GPATCH2: variants seen among roughly 807,000 people sequenced by gnomAD.
GPATCH2 encodes the protein G patch domain-containing protein 2.
A neutral mutation model predicts 58.0 loss-of-function variants in GPATCH2; 51 were observed. The ratio of observed to expected loss-of-function variants is 0.88; its 90% confidence interval spans 0.70 to 1.11. GPATCH2 has a LOEUF of 1.11. Among genes scored for constraint, GPATCH2 ranks in the 50% most tolerant of loss-of-function variants. The probability of loss-of-function intolerance (pLI) is 0.00; values close to 1 mark genes in which losing one functional copy is unlikely to be tolerated. For synonymous variants in GPATCH2, 222 were observed against 218.5 expected (o/e 1.02, Z -0.14); for missense variants, 625 against 652.2 (o/e 0.96, Z 0.45).
chr1:217,444,840 A>C (rs1177232452), intron 9 of GPATCH2, among the ~76,000 whole-genome samples: 1 of 152,224 alleles, frequency 6.6e-6, no homozygotes, highest in Non-Finnish European at 1.5e-5. Context: ...TTGATAAGAT[A>C]AATTTGGACA....
intron 5 of GPATCH2, among the ~76,000 whole-genome samples, chr1:217,578,539 T>A (rs760866413): frequency 6.6e-6 from 1 of 152,224 alleles, no homozygotes; most frequent in Non-Finnish European, 1.5e-5. Flanking sequence ...GGCGTCAGCC[T>A]CTGTGCTTGG....
intron 8 of GPATCH2, among the ~76,000 whole-genome samples, chr1:217,482,000 C>A (rs946308289): frequency 2.0e-5 from 3 of 152,068 alleles, no homozygotes; most frequent in Admixed American, 6.6e-5. Flanking sequence ...TTCCTTACAA[C>A]AATGCTATGA....
chr1:217,460,088 G>T (rs191854586), intron 8 of GPATCH2, among the ~76,000 whole-genome samples: 107 of 152,130 alleles, frequency 7.0e-4, no homozygotes, highest in Non-Finnish European at 1.3e-3. Flanking sequence ...CAAACATCCA[G>T]GCTCACTGAG....
At chr1:217,476,561 T>C (rs1660978768) in intron 8 of GPATCH2, among the ~76,000 whole-genome samples, 1 of 152,132 alleles carries the variant, frequency 6.6e-6, no homozygotes, top group African/African-American at 2.4e-5. Flanking sequence ...AGCACGTCTA[T>C]GCTCTAGGGT....
In GPATCH2 at chr1:217,579,951, T is replaced by C. The variant is rs149220254; in HGVS notation, c.1098+30370A>G. On this transcript the variant is annotated intron_variant, in intron 5 of 9. Transcript: ENST00000366935. ...CAATATGGTAGCCACTAGTTATATG[T>C]GGCTATTAAGATACGTTCAAAGTAT... 9.2e-4 allele frequency among the ~76,000 whole-genome samples: 140 copies of C among 152,318 alleles called. 1 individual carries two copies. The highest frequency in any genetic ancestry group is 3.2e-3 in the African/African-American group (132 of 41,586).
At chr1:217,617,217 A>G (rs1409111342) in intron 2 of GPATCH2, among the ~76,000 whole-genome samples, 1 of 152,206 alleles carries the variant, frequency 6.6e-6, no homozygotes, top group Non-Finnish European at 1.5e-5. Context: ...ATTGCCGGTA[A>G]AAACAAAGTA....
intron 8 of GPATCH2, among the ~76,000 whole-genome samples, chr1:217,471,707 G>A (rs1660728933): frequency 6.6e-6 from 1 of 151,332 alleles, no homozygotes; most frequent in African/African-American, 2.5e-5. Flanking sequence ...TAAATCTATT[G>A]TCACTTTTTT....
At chr1:217,606,907 A>G (rs1433005181) in intron 5 of GPATCH2, among the ~76,000 whole-genome samples, 1 of 152,090 alleles carries the variant, frequency 6.6e-6, no homozygotes, top group Non-Finnish European at 1.5e-5. Flanking sequence ...CCCATTATGC[A>G]TACACAATCT....
intron 5 of GPATCH2, among the ~76,000 whole-genome samples, chr1:217,545,802 A>G (rs893369157): frequency 7.2e-5 from 11 of 152,212 alleles, no homozygotes; most frequent in African/African-American, 1.9e-4. Context: ...ATAAACTACA[A>G]AGCGTCAAAT....
chr1:217,615,147 A>G (rs1668823653), intron 2 of GPATCH2, among the ~76,000 whole-genome samples: 1 of 151,984 alleles, frequency 6.6e-6, no homozygotes, highest in Non-Finnish European at 1.5e-5. Context: ...TTATTTTTTA[A>G]TAAGGCATCC....
intron 3 of GPATCH2, among the ~76,000 whole-genome samples, chr1:217,612,104 C>T (rs1668661587): frequency 6.6e-6 from 1 of 151,882 alleles, no homozygotes. Flanking sequence ...CCCTTGAGCC[C>T]AGCAGTTTGG....
chr1:217,600,384 T>C lies in GPATCH2; in HGVS notation c.1098+9937A>G, dbSNP rs188390788. 1.9e-3 allele frequency among the ~76,000 whole-genome samples: 291 copies of C among 152,246 alleles called. 2 individuals are homozygous for C. In the Middle Eastern group the frequency reaches 0.02, roughly 11 times the overall value. Reference sequence around the variant, plus strand: ...GTAAAGAAAACTCCTATCTAGATGATTTCATTATGAATTTTCAGTTCTTCA... The same window carrying C: ...GTAAAGAAAACTCCTATCTAGATGACTTCATTATGAATTTTCAGTTCTTCA... On this transcript the variant is annotated intron_variant, in intron 5 of 9. Transcript: ENST00000366935.
chr1:217,444,573 C>G (rs538000009), intron 9 of GPATCH2, among the ~76,000 whole-genome samples: 7 of 152,284 alleles, frequency 4.6e-5, no homozygotes, highest in Admixed American at 2.0e-4. Context: ...TCTGTCCATC[C>G]TGTACTGAAT....
intron 5 of GPATCH2, among the ~76,000 whole-genome samples, chr1:217,574,053 A>G (rs1235090248): frequency 6.6e-6 from 1 of 152,240 alleles, no homozygotes; most frequent in East Asian, 1.9e-4. Flanking sequence ...CAGTCTTAAC[A>G]TGGATACCAA....
intron 7 of GPATCH2, among the ~76,000 whole-genome samples, chr1:217,493,025 C>G (rs1238986890): frequency 6.6e-6 from 1 of 152,158 alleles, no homozygotes; most frequent in Non-Finnish European, 1.5e-5. Flanking sequence ...TAGGCTCATT[C>G]TTTCAGGAAC....
chr1:217,491,862 CT>C (rs34921892), intron 7 of GPATCH2, 112 bp from the exon 8 acceptor site: 133,904 of 330,420 alleles, frequency 0.41, 10,513 homozygotes, highest in African/African-American at 0.43. Flanking sequence ...ATTTGCACGG[CT>C]TTTTTTTTTT....
At chr1:217,435,890 G>C (rs1343273281) in intron 9 of GPATCH2, among the ~76,000 whole-genome samples, 1 of 152,046 alleles carries the variant, frequency 6.6e-6, no homozygotes, top group Non-Finnish European at 1.5e-5. Flanking sequence ...CACTAATTCA[G>C]ACTAGTCTAT....
chr1:217,561,485 T>C (rs748563619), intron 5 of GPATCH2, among the ~76,000 whole-genome samples: 2 of 152,228 alleles, frequency 1.3e-5, no homozygotes, highest in African/African-American at 2.4e-5. Flanking sequence ...TGTGTGTATT[T>C]AATGCATTTT....
chr1:217,581,216 T>C (rs951050349), intron 5 of GPATCH2, among the ~76,000 whole-genome samples: 2 of 152,236 alleles, frequency 1.3e-5, no homozygotes, highest in African/African-American at 4.8e-5. Flanking sequence ...ACCCTTTATA[T>C]GTTTTCATTG....
Sources: allele counts gnomAD v4.1 joint callset (sites outside exome capture counted in the v4.1 genomes callset), GRCh38; gene constraint gnomAD v4.1.1; transcripts MANE v1.5; gene names NCBI Gene and HGNC (gene_info 2026-07-23, HGNC 2026-07-21).